Variants in LDLRAD4 observed in about 807,000 individuals in gnomAD.
LDLRAD4 encodes the protein low density lipoprotein receptor class A domain containing 4, also known as low-density lipoprotein receptor class A domain-containing protein 4.
A neutral mutation model predicts 17.0 loss-of-function variants in LDLRAD4; 5 were observed. That is an observed-to-expected ratio of 0.29 (90% CI 0.15 to 0.62). The LOEUF is 0.62. Ranked by LOEUF, LDLRAD4 falls within the 20% of genes least tolerant of loss-of-function variation. The probability of loss-of-function intolerance (pLI) is 0.84; values close to 1 mark genes in which losing one functional copy is unlikely to be tolerated. For synonymous variants in LDLRAD4, 168 were observed against 171.8 expected (o/e 0.98, Z 0.17); for missense variants, 340 against 424.7 (o/e 0.80, Z 1.75).
At chr18:13,650,771 G>A (rs2043212698) in exon 6 of LDLRAD4, 1 of 159,724 alleles carries the variant, frequency 6.3e-6, no homozygotes, top group Non-Finnish European at 1.4e-5. Flanking sequence ...ATTTGTGAAT[G>A]CCTATGTGCT....
rs1217725780 is a variant in LDLRAD4 at position 13,440,941 on chromosome 18, CT to C, written c.181+2558del. On this transcript the variant is annotated intron_variant, in intron 3 of 5. Coordinates refer to ENST00000359446, the Ensembl canonical transcript of LDLRAD4. This position sits in a 1 kb window ranked among gnomAD's most constrained non-coding sequence, Gnocchi z 4.4. The stretch of plus-strand genomic sequence containing the variant: ...CCCCTGGGGAAGGCTGCCACCTGGC[CT>C]GTGGCTGCCCCCTACGTTCCCCTCA... Among the ~76,000 whole-genome samples the C allele has an allele frequency of 1.3e-5, 2 of 152,244 alleles. No individual in the cohort carries two copies. The highest frequency in any genetic ancestry group is 2.4e-5 in the African/African-American group (1 of 41,472).
At chr18:13,294,175 A>G (rs1387862976) in intron 1 of LDLRAD4, among the ~76,000 whole-genome samples, 1 of 152,252 alleles carries the variant, frequency 6.6e-6, no homozygotes, top group African/African-American at 2.4e-5. Context: ...AAATGGGTTA[A>G]TTAACCTCCG....
At chr18:13,624,522 C>T (rs1267703031) in intron 4 of LDLRAD4, among the ~76,000 whole-genome samples, 3 of 152,176 alleles carry the variant, frequency 2.0e-5, no homozygotes, top group African/African-American at 7.2e-5. Flanking sequence ...CTCCATCTTC[C>T]TAGGGGAGGC....
At chr18:13,482,052 C>G (rs1187618761) in intron 3 of LDLRAD4, among the ~76,000 whole-genome samples, 1 of 151,744 alleles carries the variant, frequency 6.6e-6, no homozygotes, top group Admixed American at 6.6e-5. Context: ...GGAGAGTGAG[C>G]GTCTCTGTGG....
rs191500739 is a variant in LDLRAD4, at chr18:13,466,908, C to T, written c.181+28524C>T. 6.2e-4 allele frequency among the ~76,000 whole-genome samples: 95 copies of T among 152,302 alleles called. 1 individual carries two copies. The highest frequency in any genetic ancestry group is 2.1e-3 in the African/African-American group (86 of 41,566). On this transcript the variant is annotated intron_variant, in intron 3 of 5. Transcript: ENST00000359446. ...ACACTAATCCCATTTATGAGGGCTC[C>T]GCCCTCATGACCTAATCACCTCCTG... is the stretch of plus-strand genomic sequence containing the variant.
At chr18:13,250,616 T>G (rs2043182763) in intron 1 of LDLRAD4, among the ~76,000 whole-genome samples, 1 of 152,096 alleles carries the variant, frequency 6.6e-6, no homozygotes, top group Non-Finnish European at 1.5e-5. Context: ...TACATGCCAC[T>G]AAAGTAAAAA....
chr18:13,274,683 T>C (rs1294226269), upstream of LDLRAD4, among the ~76,000 whole-genome samples: 2 of 152,176 alleles, frequency 1.3e-5, no homozygotes, highest in African/African-American at 4.8e-5. Flanking sequence ...GTTTTTCTTT[T>C]GTACTCTTTT....
intron 1 of LDLRAD4, among the ~76,000 whole-genome samples, chr18:13,292,830 C>G (rs899538587): frequency 6.6e-6 from 1 of 152,212 alleles, no homozygotes; most frequent in African/African-American, 2.4e-5. Context: ...TTGGCGATCC[C>G]GTTACTGAAT....
rs184682920 is a variant in LDLRAD4, at chr18:13,571,796, C to A, written c.182-49321C>A. ...GGACTACAGGCGCCCGCCACTATGCCTGGCTAATTTTTTGTGTTTTTAGTA... is the reference window on the plus strand; with the variant it reads ...GGACTACAGGCGCCCGCCACTATGCATGGCTAATTTTTTGTGTTTTTAGTA... On this transcript the variant is annotated intron_variant, in intron 3 of 5. Coordinates refer to ENST00000359446, the Ensembl canonical transcript of LDLRAD4. Among the ~76,000 whole-genome samples, 1,282 of 152,286 alleles carry A rather than the reference C, an allele frequency of 8.4e-3. 5 individuals carry two copies. Among genetic ancestry groups the A allele is most frequent in the Non-Finnish European group, 0.015 (997 of 68,030 alleles).
chr18:13,265,769 C>G lies in LDLRAD4; in HGVS notation c.-466-12336C>G, dbSNP rs2044180847. ...GCTTGCCTGGTGCTGAGATCTTCTT[C>G]AAGGTCTGCTGAAGTCATCTCCTGT... is the stretch of plus-strand genomic sequence containing the variant. On this transcript the variant is annotated intron_variant, in intron 1 of 5. Transcript: ENST00000399848. 2.0e-5 allele frequency among the ~76,000 whole-genome samples: 3 copies of G among 152,116 alleles called. No homozygotes were observed. In the South Asian group the frequency reaches 6.2e-4, roughly 32 times the overall value.
At chr18:13,228,092 A>G (rs551052528) in intron 1 of LDLRAD4, among the ~76,000 whole-genome samples, 5 of 152,160 alleles carry the variant, frequency 3.3e-5, no homozygotes, top group Non-Finnish European at 5.9e-5. Context: ...TTGGCCTGCC[A>G]TCAGCACCAC....
In LDLRAD4 at chr18:13,645,749, A is replaced by G. The variant is rs972856694; in HGVS notation, c.*92A>G. 8.9e-6 allele frequency: 9 copies of G among 1,011,988 alleles called. No individual in the cohort carries two copies. The highest frequency in any genetic ancestry group is 4.5e-5 in the South Asian group (2 of 44,546). The allele number at this position is 1,011,988 out of a possible 1,614,324, so 62.7% of individuals were successfully genotyped here. A position where few individuals can be genotyped will look rare whatever the true frequency, so the allele number is the denominator to read the frequency against. ...TGCGCACAGTGTTGTTCAGTTTCAC[A>G]TGGTACAAATAAGTAAAACCAAATG... is the stretch of plus-strand genomic sequence containing the variant. On this transcript the variant is annotated 3_prime_UTR_variant, in exon 6 of 6. Transcript: ENST00000359446. This position sits in a 1 kb window ranked among gnomAD's most constrained non-coding sequence, Gnocchi z 5.7.
intron 3 of LDLRAD4, among the ~76,000 whole-genome samples, chr18:13,578,445 T>C (rs1234794935): frequency 6.6e-6 from 1 of 152,188 alleles, no homozygotes; most frequent in Non-Finnish European, 1.5e-5. Context: ...GGCCAGCACA[T>C]CATCATTGTC....
chr18:13,562,254 T>C (rs1601400762), intron 3 of LDLRAD4, among the ~76,000 whole-genome samples: 1 of 152,184 alleles, frequency 6.6e-6, no homozygotes, highest in East Asian at 1.9e-4. Context: ...CTGTGTTTGG[T>C]AGAGGGACTG....
At chr18:13,467,124 A>G (rs1738326361) in intron 3 of LDLRAD4, among the ~76,000 whole-genome samples, 1 of 152,234 alleles carries the variant, frequency 6.6e-6, no homozygotes, top group Non-Finnish European at 1.5e-5. Flanking sequence ...GCTGTTCAAC[A>G]TTGTACTCCA....
chr18:13,455,930 C>T (rs942306900), intron 3 of LDLRAD4, among the ~76,000 whole-genome samples: 4 of 152,060 alleles, frequency 2.6e-5, no homozygotes, highest in African/African-American at 4.8e-5. Flanking sequence ...CCCCAGCTTC[C>T]GAAGTCTGGT....
intron 5 of LDLRAD4, 48 bp downstream of exon 6, chr18:13,643,460 TG>T (rs2042797802): frequency 1.2e-5 from 2 of 161,846 alleles, no homozygotes; most frequent in African/African-American, 1.4e-4. Context: ...GGGGGGTGGG[TG>T]GGGATGAAGG....
At chr18:13,588,084 G>GA (rs10717797) in intron 3 of LDLRAD4, among the ~76,000 whole-genome samples, 15 of 150,480 alleles carry the variant, frequency 1.0e-4, no homozygotes, top group Non-Finnish European at 1.3e-4. Flanking sequence ...TTCATATCGG[G>GA]AAAAAAAAAC....
chr18:13,441,619 A>G (rs1229432675), intron 3 of LDLRAD4, among the ~76,000 whole-genome samples: 1 of 152,208 alleles, frequency 6.6e-6, no homozygotes. Flanking sequence ...GTTAGCTTTG[A>G]GTATGCTCCA....
Sources: gnomAD v4.1 joint callset for allele counts (sites outside exome capture counted in the v4.1 genomes callset) on GRCh38, gnomAD v4.1.1 for gene constraint, Gnocchi (gnomAD v3.1) non-coding constraint, MANE v1.5 for transcripts, NCBI Gene and HGNC (gene_info 2026-07-23, HGNC 2026-07-21) for gene names.